ADORA1: variants seen among roughly 807,000 people sequenced by gnomAD.
The protein encoded by ADORA1 is adenosine A1 receptor.
A neutral mutation model predicts 19.9 loss-of-function variants in ADORA1; 6 were observed. The observed-to-expected ratio is 0.30, with a 90% CI of 0.17 to 0.59. ADORA1 has a LOEUF of 0.59. ADORA1 is among the 20% of genes least tolerant of loss of function. The pLI is 0.87. For synonymous variants in ADORA1, 194 were observed against 188.4 expected (o/e 1.03, Z -0.24); for missense variants, 302 against 439.2 (o/e 0.69, Z 2.79).
chr1:203,161,206 G>C (rs1159903294), intron 3 of ADORA1, among the ~76,000 whole-genome samples: 1 of 152,184 alleles, frequency 6.6e-6, no homozygotes, highest in Non-Finnish European at 1.5e-5. Context: ...GGTCTCTGTA[G>C]CCCATTGCTC....
intron 3 of ADORA1, among the ~76,000 whole-genome samples, chr1:203,161,923 G>A (rs375384343): frequency 1.3e-5 from 2 of 152,106 alleles, no homozygotes; most frequent in Non-Finnish European, 2.9e-5. Context: ...GCCTGTGGAC[G>A]GGGCCCCTCT....
rs1655494618 is a variant in ADORA1 at position 203,165,065 on chromosome 1, C to G, written c.342-196C>G. ...TTTCCTCTCTCTGTAGGAGAATAAG[C>G]CAATGCATGGCAAGCACTAAATCTT... On this transcript the variant is annotated intron_variant, in intron 3 of 3. Coordinates refer to ENST00000337894, the MANE Select transcript of ADORA1 (RefSeq NM_000674.3). The surrounding 1 kb of genome is among the most constrained non-coding windows in gnomAD (Gnocchi z 5.9). The G allele has an allele frequency of 1.9e-6, 3 of 1,550,412 alleles. No homozygotes were observed. The highest frequency in any genetic ancestry group is 2.6e-6 in the Non-Finnish European group (3 of 1,146,950).
intron 3 of ADORA1, among the ~76,000 whole-genome samples, chr1:203,163,107 A>C (rs1473927935): frequency 6.6e-6 from 1 of 152,232 alleles, no homozygotes; most frequent in Non-Finnish European, 1.5e-5. Flanking sequence ...ATGGTCAGGA[A>C]CAAGATGTGA....
intron 3 of ADORA1, chr1:203,164,997 C>A (rs1655490982): frequency 1.3e-6 from 2 of 1,521,202 alleles, no homozygotes; most frequent in Admixed American, 4.1e-5. Flanking sequence ...CATAAAGGAG[C>A]TCCTCTGTGA....
intron 3 of ADORA1, among the ~76,000 whole-genome samples, chr1:203,140,150 CA>C (rs1654633559): frequency 6.6e-6 from 1 of 152,160 alleles, no homozygotes; most frequent in Non-Finnish European, 1.5e-5. Flanking sequence ...TGTAATTCAT[CA>C]CACCAACATA....
rs564224821 is a variant in ADORA1 at position 203,166,111 on chromosome 1, G to A, written c.*211G>A. The A allele has an allele frequency of 6.4e-5, 37 of 574,090 alleles. No individual in the cohort carries two copies. The East Asian group carries it at 1.2e-3, about 18-fold the overall frequency. The allele number at this position is 574,090 out of a possible 1,614,324, so 35.6% of individuals were successfully genotyped here. Reference sequence around the variant, plus strand: ...CTGGGCCCTGCAGGAGGCCTGGGAGGGCAAGGGTCCTACGGAGGGACCAGG... The same window carrying A: ...CTGGGCCCTGCAGGAGGCCTGGGAGAGCAAGGGTCCTACGGAGGGACCAGG... On this transcript the variant is annotated 3_prime_UTR_variant, in exon 4 of 4. Coordinates refer to ENST00000337894, the MANE Select transcript of ADORA1 (RefSeq NM_000674.3).
intron 3 of ADORA1, among the ~76,000 whole-genome samples, chr1:203,153,680 G>A (rs1558135179): frequency 6.6e-6 from 1 of 152,070 alleles, no homozygotes; most frequent in Non-Finnish European, 1.5e-5. Flanking sequence ...GGATTCTTAG[G>A]CCTGACATCC....
chr1:203,151,796 T>TCATTCATTCATG (rs1254946136), intron 3 of ADORA1, among the ~76,000 whole-genome samples: 1 of 151,172 alleles, frequency 6.6e-6, no homozygotes, highest in Non-Finnish European at 1.5e-5. Flanking sequence ...ATGCATTCAT[T>TCATTCATTCATG]CATTCATTCA....
chr1:203,136,678 C>A (rs1654521533), intron 3 of ADORA1, among the ~76,000 whole-genome samples: 2 of 152,070 alleles, frequency 1.3e-5, no homozygotes, highest in Non-Finnish European at 2.9e-5. Context: ...GCAGCTGATG[C>A]CTTGCAGAGC....
In ADORA1 at chr1:203,128,478, A is replaced by C; in HGVS notation, c.-58+46A>C. ...TCTGTGCACAGGGGTGGGCAGAGCCAGTCATGGGAGACCCCTCTGTGCGTG... is the reference window on the plus strand; with the variant it reads ...TCTGTGCACAGGGGTGGGCAGAGCCCGTCATGGGAGACCCCTCTGTGCGTG... On this transcript the variant is annotated intron_variant, in intron 2 of 3. Coordinates refer to ENST00000337894, the MANE Select transcript of ADORA1 (RefSeq NM_000674.3). The surrounding 1 kb of genome is among the most constrained non-coding windows in gnomAD (Gnocchi z 5.9). 1 of 1,242,182 alleles carries C rather than the reference A, an allele frequency of 8.1e-7. No homozygotes were observed. Among genetic ancestry groups the C allele is most frequent in the Non-Finnish European group, 1.1e-6 (1 of 947,110 alleles). The allele number at this position is 1,242,182 out of a possible 1,614,324, so 76.9% of individuals were successfully genotyped here.
chr1:203,154,016 C>A (rs566664632), intron 3 of ADORA1, among the ~76,000 whole-genome samples: 3 of 152,108 alleles, frequency 2.0e-5, no homozygotes, highest in Non-Finnish European at 4.4e-5. Context: ...CTATCCAAAC[C>A]GCAGGATGGT....
At chr1:203,133,927 C>A (rs12138660) in intron 3 of ADORA1, among the ~76,000 whole-genome samples, 2 of 152,102 alleles carry the variant, frequency 1.3e-5, no homozygotes, top group African/African-American at 2.4e-5. Context: ...CCCTGAAATG[C>A]CTTGTGTGCC....
intron 3 of ADORA1, among the ~76,000 whole-genome samples, chr1:203,138,203 G>T (rs1396675179): frequency 6.6e-6 from 1 of 152,174 alleles, no homozygotes; most frequent in Non-Finnish European, 1.5e-5. Flanking sequence ...GGCTGCAGGT[G>T]GTGGAAGGAA....
intron 3 of ADORA1, chr1:203,144,696 G>A (rs1654806190): frequency 6.6e-6 from 1 of 152,168 alleles, no homozygotes; most frequent in Non-Finnish European, 1.5e-5. Flanking sequence ...TTACCTCTGC[G>A]GGTCTCAGTT....
intron 3 of ADORA1, chr1:203,150,630 A>G: frequency 7.8e-7 from 1 of 1,289,650 alleles, no homozygotes; most frequent in Non-Finnish European, 1.0e-6. Flanking sequence ...TACTTCTTCC[A>G]GGTCCCAAAA....
intron 3 of ADORA1, among the ~76,000 whole-genome samples, chr1:203,152,978 C>G (rs1655085107): frequency 6.6e-6 from 1 of 152,168 alleles, no homozygotes; most frequent in Non-Finnish European, 1.5e-5. Flanking sequence ...TGAAAACATG[C>G]CTCCTCCAAA....
intron 3 of ADORA1, among the ~76,000 whole-genome samples, chr1:203,132,929 G>A (rs1331027012): frequency 6.6e-6 from 1 of 152,098 alleles, no homozygotes; most frequent in African/African-American, 2.4e-5. Context: ...TAATTCTGTG[G>A]TTCTTCCTTA....
chr1:203,140,646 ATTC>A (rs1283902747), intron 3 of ADORA1, among the ~76,000 whole-genome samples: 11 of 152,150 alleles, frequency 7.2e-5, no homozygotes, highest in Admixed American at 2.6e-4. Context: ...CAATCCAGAC[ATTC>A]CCAGGTGCCT....
intron 3 of ADORA1, among the ~76,000 whole-genome samples, chr1:203,139,761 T>C (rs1654620725): frequency 6.6e-6 from 1 of 152,176 alleles, no homozygotes; most frequent in Non-Finnish European, 1.5e-5. Flanking sequence ...CCCATGGACA[T>C]GCCAGCAAGC....
Sources: gnomAD v4.1 joint callset for allele counts (sites outside exome capture counted in the v4.1 genomes callset) on GRCh38, gnomAD v4.1.1 for gene constraint, Gnocchi (gnomAD v3.1) non-coding constraint, MANE v1.5 for transcripts, NCBI Gene and HGNC (gene_info 2026-07-23, HGNC 2026-07-21) for gene names.